The following HDHD5 variants were observed in gnomAD, a reference collection of about 807,000 sequenced individuals.
HDHD5 encodes haloacid dehalogenase like hydrolase domain containing 5, also known as haloacid dehalogenase-like hydrolase domain-containing 5.
A neutral mutation model predicts 35.5 loss-of-function variants in HDHD5; 34 were observed. The observed-to-expected ratio is 0.96, with a 90% CI of 0.73 to 1.28. The LOEUF (loss-of-function observed/expected upper bound fraction) is 1.28, where lower values mean the gene tolerates loss of function less well. HDHD5 is among the 50% of genes most tolerant of loss of function. HDHD5 has a pLI of 0.00. For missense variants in HDHD5, 589 were observed against 560.2 expected, an observed-to-expected ratio of 1.05 and a Z score of -0.52; for synonymous variants, 248 against 240.6, an observed-to-expected ratio of 1.03 and a Z score of -0.29.
At chr22:17,149,240 G>A (rs2061698820) in intron 2 of HDHD5, among the ~76,000 whole-genome samples, 2 of 152,178 alleles carry the variant, frequency 1.3e-5, no homozygotes, top group African/African-American at 4.8e-5. Flanking sequence ...ATCATACCCA[G>A]GAAAGCCAAG....
At chr22:17,165,172 G>A (rs981127497) in intron 1 of HDHD5, 1 of 768,206 alleles carries the variant, frequency 1.3e-6, no homozygotes, top group Non-Finnish European at 2.4e-6. Flanking sequence ...AATACTCCTG[G>A]CCTCTCTCTA....
chr22:17,144,976 TGGA>T, intron 4 of HDHD5, 45 bp downstream of exon 4: 1 of 1,609,106 alleles, frequency 6.2e-7, no homozygotes, highest in Non-Finnish European at 8.5e-7. Context: ...TGCAGGGCAC[TGGA>T]GGAGTGAAGG....
chr22:17,149,463 G>A, intron 2 of HDHD5, 79 bp downstream of exon 2: 1 of 1,396,126 alleles, frequency 7.2e-7, no homozygotes, highest in South Asian at 1.2e-5. Context: ...CAACCCAGGG[G>A]AAAGGGACTT....
In HDHD5 at chr22:17,137,791, C is replaced by A. The variant is rs573053714; in HGVS notation, c.*230G>T. On this transcript the variant is annotated 3_prime_UTR_variant, in exon 8 of 8. Transcript: ENST00000336737. Reference sequence around the variant, plus strand: ...TGAGGTTAGACTGCCACGAAAGGCACGTGGGAACTGGGCCCAGAAAATTCC... The same window carrying A: ...TGAGGTTAGACTGCCACGAAAGGCAAGTGGGAACTGGGCCCAGAAAATTCC... The A allele has an allele frequency of 1.9e-6, 1 of 531,216 alleles. No homozygotes were observed. Among genetic ancestry groups the A allele is most frequent in the Non-Finnish European group, 3.4e-6 (1 of 296,456 alleles). 32.9% of individuals were successfully genotyped at this position (531,216 alleles called of 1,614,324 possible).
Position 17,138,086 on chromosome 22 carries a change from C to G in HDHD5, c.1207G>C (p.Val403Leu). The change falls in exon 8 of 8, where the codon GTG becomes CTG. Residue 403 changes from valine (V) to leucine (L), a missense_variant. Physicochemically the swap from Val to Leu is conservative, Grantham distance 32. Transcript: ENST00000336737. ...ACAGCCTCATTCACGTCATTCACCA[C>G]GTGGGAGGCCTCCATGAGCCCTGGA... The part of the protein sequence containing the change: ...FSPGLMEASH[V>L]VNDVNEAVQL... The G allele has an allele frequency of 6.2e-7, 1 of 1,614,172 alleles. No homozygotes were observed. The highest frequency in any genetic ancestry group is 2.2e-5 in the East Asian group (1 of 44,868).
chr22:17,141,251 G>C lies in HDHD5; in HGVS notation c.572-18C>G. On this transcript the variant is annotated intron_variant, in intron 5 of 7. Transcript: ENST00000336737. ...GAGCACCCCTTTAAAGAACAGAGGCGCAGGTGAGGGCTGCAGGGCAGATGG... is the reference window on the plus strand; with the variant it reads ...GAGCACCCCTTTAAAGAACAGAGGCCCAGGTGAGGGCTGCAGGGCAGATGG... 1 of 1,578,730 alleles carries C rather than the reference G, an allele frequency of 6.3e-7. No individual in the cohort carries two copies. The highest frequency in any genetic ancestry group is 8.6e-7 in the Non-Finnish European group (1 of 1,166,598).
At position 17,153,385 on chromosome 22, in the gene HDHD5, G is replaced by A. The variant is rs571114833; in HGVS notation, c.127-3640C>T. Among the ~76,000 whole-genome samples, 58 of 152,184 alleles carry A rather than the reference G, an allele frequency of 3.8e-4. 1 individual carries two copies. The highest frequency in any genetic ancestry group is 1.2e-3 in the South Asian group (6 of 4,826). ...CAGTCTCAAATTCAGCTGGCAACTC[G>A]GCAGCACCTCAGAGAAAACAGGGGA... On this transcript the variant is annotated intron_variant, in intron 1 of 7. Coordinates refer to ENST00000336737, the MANE Select transcript of HDHD5 (RefSeq NM_033070.3).
intron 1 of HDHD5, among the ~76,000 whole-genome samples, chr22:17,155,244 T>G (rs1002995845): frequency 1.3e-5 from 2 of 151,830 alleles, no homozygotes; most frequent in African/African-American, 4.8e-5. Flanking sequence ...TTTTTTTTTT[T>G]TTTGTTTGGT....
chr22:17,146,131 C>T (rs908308704), intron 3 of HDHD5, among the ~76,000 whole-genome samples: 2 of 152,088 alleles, frequency 1.3e-5, no homozygotes, highest in Non-Finnish European at 2.9e-5. Flanking sequence ...TTCCCGACAA[C>T]CTGGCACCAC....
chr22:17,159,246 A>C lies in HDHD5; in HGVS notation c.6T>G (p.Ala2=). The part of the protein sequence containing the change: M[A]AWGCVAALGA... ...CGAGCGCAGCCACACAGCCCCACGC[A>C]GCCATCCGGCCGTCGCCGTGCGCAC... Residue 2 remains alanine, a synonymous_variant, in exon 1 of 8, where the codon GCT becomes GCG. Coordinates refer to ENST00000336737, the MANE Select transcript of HDHD5 (RefSeq NM_033070.3). 8.3e-7 allele frequency: 1 copy of C among 1,208,064 alleles called. No individual in the cohort carries two copies. The highest frequency in any genetic ancestry group is 1.0e-6 in the Non-Finnish European group (1 of 971,962). 74.8% of individuals were successfully genotyped at this position (1,208,064 alleles called of 1,614,324 possible). A position where few individuals can be genotyped will look rare whatever the true frequency, so the allele number is the denominator to read the frequency against.
chr22:17,137,658 G>T lies in HDHD5; in HGVS notation c.*363C>A. The T allele has an allele frequency of 4.8e-6, 1 of 209,596 alleles. No individual in the cohort carries two copies. Among genetic ancestry groups the T allele is most frequent in the Admixed American group, 5.3e-5 (1 of 18,698 alleles). 13.0% of individuals were successfully genotyped at this position (209,596 alleles called of 1,614,324 possible). ...GACAGGCTGCATGCCTTCAGTGCCGGCAAAGGCTCTGCACAGACATCCACA... is the reference window on the plus strand; with the variant it reads ...GACAGGCTGCATGCCTTCAGTGCCGTCAAAGGCTCTGCACAGACATCCACA... On this transcript the variant is annotated 3_prime_UTR_variant, in exon 8 of 8. Transcript: ENST00000336737.
At chr22:17,145,859 C>G (rs1403156136) in intron 3 of HDHD5, among the ~76,000 whole-genome samples, 1 of 152,054 alleles carries the variant, frequency 6.6e-6, no homozygotes, top group Admixed American at 6.6e-5. Context: ...GAGCTAAAAT[C>G]TTAAAGGATG....
In HDHD5 at chr22:17,138,270, C is replaced by T. The variant is rs1568936871; in HGVS notation, c.1023G>A (p.Gly341=). 1 of 1,614,160 alleles carries T rather than the reference C, an allele frequency of 6.2e-7. No individual in the cohort carries two copies. Among genetic ancestry groups the T allele is most frequent in the Non-Finnish European group, 8.5e-7 (1 of 1,180,034 alleles). Reference sequence around the variant, plus strand: ...GCTGTTGCTGCCGTGTGCCCCCGGCCCCTAGTTCTGGCGCCCCATCATGCG... The same window carrying T: ...GCTGTTGCTGCCGTGTGCCCCCGGCTCCTAGTTCTGGCGCCCCATCATGCG... The part of the protein sequence containing the change: ...KATHDGAPEL[G]AGGTRQQQPS... The change falls in exon 8 of 8, where the codon GGG becomes GGA. Residue 341 remains glycine, a synonymous_variant. Transcript: ENST00000336737.
chr22:17,164,199 C>T (rs1276672050), upstream of HDHD5, among the ~76,000 whole-genome samples: 9 of 145,078 alleles, frequency 6.2e-5, no homozygotes, highest in African/African-American at 2.3e-4. Flanking sequence ...CCAGCCTAGG[C>T]GACAGAGTGA....
upstream of HDHD5, among the ~76,000 whole-genome samples, chr22:17,163,899 T>A (rs970841538): frequency 6.6e-6 from 1 of 152,188 alleles, no homozygotes; most frequent in Non-Finnish European, 1.5e-5. Context: ...TCATGCAGGA[T>A]GCCTTGCACA....
chr22:17,157,085 TA>T (rs2061803688), intron 1 of HDHD5, among the ~76,000 whole-genome samples: 5 of 143,682 alleles, frequency 3.5e-5, no homozygotes, highest in African/African-American at 1.3e-4. Flanking sequence ...CTCACACACA[TA>T]CACACACACA....
rs754895790 is a variant in HDHD5 at position 17,141,181 on chromosome 22, G to C, written c.624C>G (p.Ile208Met). The C allele has an allele frequency of 6.3e-7, 1 of 1,598,142 alleles. No homozygotes were observed. Among genetic ancestry groups the C allele is most frequent in the Admixed American group, 1.7e-5 (1 of 57,728 alleles). ...TCCCATTGCTGAGGAGGACATCCAT[G>C]ATCAGCTGCAGGCTGGTCTCCCAGC... Reference protein sequence around the residue: ...PVRWETSLQLIMDVLLSNGSP... With the variant: ...PVRWETSLQLMMDVLLSNGSP... The change falls in exon 6 of 8, where the codon ATC becomes ATG. Residue 208 changes from isoleucine to methionine, a missense_variant. Transcript: ENST00000336737.
intron 3 of HDHD5, 55 bp from the exon 4 acceptor site, chr22:17,145,172 G>C: frequency 5.4e-5 from 87 of 1,606,810 alleles, no homozygotes; most frequent in Non-Finnish European, 7.3e-5. Context: ...ATGCCTTTCT[G>C]AATGCATCAA....
chr22:17,139,676 T>G (rs1470953154), intron 6 of HDHD5, among the ~76,000 whole-genome samples: 1 of 151,928 alleles, frequency 6.6e-6, no homozygotes, highest in East Asian at 1.9e-4. Context: ...TGGGTTCAAG[T>G]GATTCTCCTG....
Sources: allele counts gnomAD v4.1 joint callset (sites outside exome capture counted in the v4.1 genomes callset), GRCh38; gene constraint gnomAD v4.1.1; transcripts MANE v1.5; gene names NCBI Gene and HGNC (gene_info 2026-07-23, HGNC 2026-07-21).